The following HS2ST1 variants were observed in gnomAD, a reference collection of about 807,000 sequenced individuals.
The protein encoded by HS2ST1 is heparan sulfate 2-O-sulfotransferase 1.
Under a neutral mutation model 42.9 loss-of-function variants are expected in HS2ST1, and 18 were observed. That is an observed-to-expected ratio of 0.42 (90% CI 0.29 to 0.62). The LOEUF (loss-of-function observed/expected upper bound fraction) is 0.62. Among genes scored for constraint, HS2ST1 ranks in the 20% least tolerant of loss-of-function variants. The pLI is 0.21. For synonymous variants in HS2ST1, 146 were observed against 152.9 expected, an observed-to-expected ratio of 0.95 and a Z score of 0.33; for missense variants, 334 against 433.8, an observed-to-expected ratio of 0.77 and a Z score of 2.04.
chr1:86,992,482 T>C (rs1648984328), intron 1 of HS2ST1, among the ~76,000 whole-genome samples: 1 of 152,044 alleles, frequency 6.6e-6, no homozygotes, highest in Non-Finnish European at 1.5e-5. Flanking sequence ...TTCTCCTGCC[T>C]CAGCCTCCCG....
chr1:87,105,532 G>A lies in HS2ST1; in HGVS notation c.*836G>A, dbSNP rs1652308564. The A allele has an allele frequency of 6.6e-6, 1 of 152,318 alleles. No homozygotes were observed. Among genetic ancestry groups the A allele is most frequent in the South Asian group, 2.1e-4 (1 of 4,832 alleles). 9.4% of individuals were successfully genotyped at this position (152,318 alleles called of 1,614,324 possible). A position where few individuals can be genotyped will look rare whatever the true frequency, so the allele number is the denominator to read the frequency against. ...GTGACTCCGTATTATGACTCCATTA[G>A]TGAGCTGTGGTATGGGTAGGATTTT... is the stretch of plus-strand genomic sequence containing the variant. On this transcript the variant is annotated 3_prime_UTR_variant, in exon 7 of 7. Coordinates refer to ENST00000370550, the MANE Select transcript of HS2ST1 (RefSeq NM_012262.4).
At chr1:86,929,317 G>A (rs942435591) in intron 1 of HS2ST1, among the ~76,000 whole-genome samples, 10 of 151,822 alleles carry the variant, frequency 6.6e-5, no homozygotes, top group Non-Finnish European at 1.0e-4. Flanking sequence ...TCATCTCATA[G>A]GATGACACTT....
rs1176680593 is a variant in HS2ST1 at position 86,990,830 on chromosome 1, ATATATATTTTTT to A, written c.124+75672_124+75683del. 5.9e-4 allele frequency among the ~76,000 whole-genome samples: 11 copies of A among 18,594 alleles called. 1 individual carries two copies. Among genetic ancestry groups the A allele is most frequent in the Admixed American group, 1.1e-3 (1 of 874 alleles). The allele number at this position is 18,594 out of a possible 152,430, so 12.2% of individuals were successfully genotyped here. ...GCTAATTTTATATATATATATATATATATATATTTTTTTTTTTTTTTTTTTTTTTAGTAGAGA... is the reference window on the plus strand; with the variant it reads ...GCTAATTTTATATATATATATATATATTTTTTTTTTTTTTTTTAGTAGAGA... On this transcript the variant is annotated intron_variant, in intron 1 of 6. Coordinates refer to ENST00000370550, the MANE Select transcript of HS2ST1 (RefSeq NM_012262.4).
intron 1 of HS2ST1, among the ~76,000 whole-genome samples, chr1:86,962,538 T>C (rs1570448752): frequency 6.6e-6 from 1 of 152,194 alleles, no homozygotes; most frequent in Admixed American, 6.5e-5. Context: ...CCCCTTGAAG[T>C]AGTTTTAAGG....
chr1:86,934,927 CAAAAAAAAAAAAAA>C (rs35669188), intron 1 of HS2ST1: 7 of 48,084 alleles, frequency 1.5e-4, no homozygotes, highest in Non-Finnish European at 1.4e-4. Flanking sequence ...GACTCCATCC[CAAAAAAAAAAAAAA>C]AAAAAAAAAA....
chr1:87,084,390 G>A lies in HS2ST1; in HGVS notation c.449+111G>A, dbSNP rs911023498. 4 of 634,676 alleles carry A rather than the reference G, an allele frequency of 6.3e-6. No individual in the cohort carries two copies. The African/African-American group carries it at 7.5e-5, about 12-fold the overall frequency. The allele number at this position is 634,676 out of a possible 1,614,324, so 39.3% of individuals were successfully genotyped here. On this transcript the variant is annotated intron_variant, in intron 3 of 6. Coordinates refer to ENST00000370550, the MANE Select transcript of HS2ST1 (RefSeq NM_012262.4). ...TTCTAATAAAAGAATGTACTGTCTT[G>A]CCTTTGCCAGTTTTAGATCTGTAAT...
chr1:87,081,294 T>G (rs551837569), intron 2 of HS2ST1, among the ~76,000 whole-genome samples: 2 of 152,170 alleles, frequency 1.3e-5, no homozygotes, highest in Non-Finnish European at 2.9e-5. Flanking sequence ...TTGTCAAGGA[T>G]AGACCATATG....
chr1:86,987,346 T>A (rs1030763126), intron 1 of HS2ST1, among the ~76,000 whole-genome samples: 3 of 152,082 alleles, frequency 2.0e-5, no homozygotes, highest in African/African-American at 7.2e-5. Context: ...AGTGCTGGGA[T>A]TACAGGTGTG....
intron 1 of HS2ST1, among the ~76,000 whole-genome samples, chr1:87,067,240 C>G (rs1326863749): frequency 6.6e-6 from 1 of 152,184 alleles, no homozygotes; most frequent in Non-Finnish European, 1.5e-5. Context: ...TCTCTTGTTT[C>G]CTGACTTTTT....
chr1:86,968,622 C>G (rs985167019), intron 1 of HS2ST1, among the ~76,000 whole-genome samples: 4 of 151,996 alleles, frequency 2.6e-5, no homozygotes, highest in Non-Finnish European at 5.9e-5. Context: ...CCAGGCTGGT[C>G]TCGGGACTCC....
chr1:87,061,624 A>G (rs537398473), intron 1 of HS2ST1, among the ~76,000 whole-genome samples: 2 of 152,130 alleles, frequency 1.3e-5, no homozygotes, highest in South Asian at 2.1e-4. Context: ...TAGTACCACA[A>G]TTTATTTGTT....
At chr1:87,039,228 G>A (rs1650460532) in intron 1 of HS2ST1, among the ~76,000 whole-genome samples, 2 of 152,318 alleles carry the variant, frequency 1.3e-5, no homozygotes, top group South Asian at 4.1e-4. Flanking sequence ...CTTGCTAAAA[G>A]TTAAAGTATC....
chr1:87,014,761 C>G (rs1010147093), intron 1 of HS2ST1, among the ~76,000 whole-genome samples: 2 of 152,224 alleles, frequency 1.3e-5, no homozygotes, highest in Admixed American at 1.3e-4. Context: ...CACATCTGCC[C>G]AGCAACTGGC....
chr1:86,920,791 T>C (rs1660276474), intron 1 of HS2ST1, among the ~76,000 whole-genome samples: 1 of 152,194 alleles, frequency 6.6e-6, no homozygotes, highest in Admixed American at 6.5e-5. Flanking sequence ...TATTCTGCCT[T>C]TCTGCCTGTT....
At chr1:86,968,698 C>A (rs935948401) in intron 1 of HS2ST1, among the ~76,000 whole-genome samples, 3 of 152,158 alleles carry the variant, frequency 2.0e-5, no homozygotes, top group African/African-American at 7.2e-5. Flanking sequence ...AGCCAGCACA[C>A]CCAGCCTCCA....
At chr1:86,916,315 G>A (rs1660156928) in intron 1 of HS2ST1, among the ~76,000 whole-genome samples, 2 of 152,130 alleles carry the variant, frequency 1.3e-5, no homozygotes, top group South Asian at 2.1e-4. Flanking sequence ...CTTTTGAGAA[G>A]CCAGCAAAAA....
chr1:87,015,866 G>T (rs1258752118), intron 1 of HS2ST1, among the ~76,000 whole-genome samples: 1 of 151,564 alleles, frequency 6.6e-6, no homozygotes, highest in Non-Finnish European at 1.5e-5. Flanking sequence ...CACCAGGCTA[G>T]AGTACAGTGG....
intron 3 of HS2ST1, among the ~76,000 whole-genome samples, chr1:87,084,748 T>TA (rs550586067): frequency 6.3e-4 from 96 of 151,904 alleles, no homozygotes; most frequent in Non-Finnish European, 9.6e-4. Context: ...GAGGCTTTTT[T>TA]AAAAAAAATT....
rs537740914 is a variant in HS2ST1 at position 87,082,356 on chromosome 1, T to C, written c.364-1838T>C. Among the ~76,000 whole-genome samples the C allele has an allele frequency of 1.2e-3, 183 of 152,340 alleles. 1 individual carries two copies. The highest frequency in any genetic ancestry group is 4.1e-3 in the African/African-American group (172 of 41,572). Reference sequence around the variant, plus strand: ...TCTTACTTCTGCCCACGTCTTTCACTACAGTATACTCCAAGCTTGTACTAT... The same window carrying C: ...TCTTACTTCTGCCCACGTCTTTCACCACAGTATACTCCAAGCTTGTACTAT... On this transcript the variant is annotated intron_variant, in intron 2 of 6. Coordinates refer to ENST00000370550, the MANE Select transcript of HS2ST1 (RefSeq NM_012262.4).
Sources: gnomAD v4.1 joint callset for allele counts (sites outside exome capture counted in the v4.1 genomes callset) on GRCh38, gnomAD v4.1.1 for gene constraint, MANE v1.5 for transcripts, NCBI Gene and HGNC (gene_info 2026-07-23, HGNC 2026-07-21) for gene names.